Variants in TACC2 observed in about 807,000 individuals in gnomAD.
TACC2 encodes transforming acidic coiled-coil-containing protein 2.
Under a neutral mutation model 227.3 loss-of-function variants are expected in TACC2, and 137 were observed. That is an observed-to-expected ratio of 0.60 (90% CI 0.52 to 0.69). TACC2 has a LOEUF of 0.69. Among genes scored for constraint, TACC2 ranks in the 30% least tolerant of loss-of-function variants. TACC2 has a pLI of 0.00. For synonymous variants in TACC2, 1,523 were observed against 1,487.5 expected (o/e 1.02, Z -0.55); for missense variants, 3,470 against 3,694.4 (o/e 0.94, Z 1.57).
At chr10:122,212,638 T>G (rs2095319468) in intron 9 of TACC2, among the ~76,000 whole-genome samples, 1 of 152,206 alleles carries the variant, frequency 6.6e-6, no homozygotes, top group Non-Finnish European at 1.5e-5. Flanking sequence ...CCCCTCTGGG[T>G]CTGCCTGGCA....
At chr10:122,059,498 A>T (rs2076566109) in intron 3 of TACC2, among the ~76,000 whole-genome samples, 1 of 152,122 alleles carries the variant, frequency 6.6e-6, no homozygotes, top group Non-Finnish European at 1.5e-5. Context: ...AAGGATAGCT[A>T]ACTTTTGTTT....
chr10:122,099,785 G>T lies in TACC2; in HGVS notation c.5573+11194G>T, dbSNP rs370437631. On this transcript the variant is annotated intron_variant, in intron 5 of 22. Transcript: ENST00000369005. ...TTTGTGGGAGATAAAACGACTTAAT[G>T]ATCACTGCAGGGTTTAGTTTTGTTT... 2.8e-4 allele frequency among the ~76,000 whole-genome samples: 42 copies of T among 152,334 alleles called. No homozygotes were observed. In the East Asian group the frequency reaches 2.9e-3, roughly 10 times the overall value.
At chr10:122,203,349 G>A (rs1303893992) in intron 8 of TACC2, among the ~76,000 whole-genome samples, 4 of 138,642 alleles carry the variant, frequency 2.9e-5, no homozygotes, top group Admixed American at 1.4e-4. Flanking sequence ...CGGATGGGGC[G>A]GCTGGCCGGG....
rs534210716 is a variant in TACC2 at position 122,136,602 on chromosome 10, G to A, written c.5699+3868G>A. ...TAGTCTTGCTCTGTCGCCCAGGCTGGAGTGCAGTGGCACAGTCTGGGCTCA... is the reference window on the plus strand; with the variant it reads ...TAGTCTTGCTCTGTCGCCCAGGCTGAAGTGCAGTGGCACAGTCTGGGCTCA... On this transcript the variant is annotated intron_variant, in intron 6 of 22. Coordinates refer to ENST00000369005, the MANE Select transcript of TACC2 (RefSeq NM_206862.4). Among the ~76,000 whole-genome samples the A allele has an allele frequency of 5.3e-5, 8 of 150,396 alleles. No homozygotes were observed. The South Asian group carries it at 1.1e-3, about 20-fold the overall frequency.
chr10:122,229,773 T>G (rs938382511), intron 15 of TACC2, among the ~76,000 whole-genome samples: 1 of 152,242 alleles, frequency 6.6e-6, no homozygotes, highest in Admixed American at 6.5e-5. Context: ...AAGCAGTTTC[T>G]GTGATTTATT....
intron 5 of TACC2, among the ~76,000 whole-genome samples, chr10:122,119,640 A>G (rs1210868839): frequency 1.3e-5 from 2 of 152,210 alleles, no homozygotes; most frequent in Non-Finnish European, 2.9e-5. Flanking sequence ...CAGGCTGGGT[A>G]TCGTGGCTCA....
At chr10:122,182,285 T>C (rs1404950583) in intron 7 of TACC2, among the ~76,000 whole-genome samples, 1 of 152,214 alleles carries the variant, frequency 6.6e-6, no homozygotes, top group Non-Finnish European at 1.5e-5. Flanking sequence ...TGAAACCTGC[T>C]CTGGACGCAG....
chr10:122,084,312 CA>C lies in TACC2; in HGVS notation c.1814del (p.Lys605SerfsTer6). 6.2e-7 allele frequency: 1 copy of C among 1,613,942 alleles called. No individual in the cohort carries two copies. Among genetic ancestry groups the C allele is most frequent in the Non-Finnish European group, 8.5e-7 (1 of 1,180,038 alleles). On this transcript the variant is annotated frameshift_variant, in exon 4 of 23. Coordinates refer to ENST00000369005, the MANE Select transcript of TACC2 (RefSeq NM_206862.4). LOFTEE classifies it high-confidence loss of function. Reference sequence around the variant, plus strand: ...GAGAGGACTCTCAGGCTTTCAGCAGCAAGCGTGATCCAGAAGTAGGCAAAGA... The same window carrying C: ...GAGAGGACTCTCAGGCTTTCAGCAGCAGCGTGATCCAGAAGTAGGCAAAGA... The part of the protein sequence containing the change: ...QGEDSQAFSS[K>X]RDPEVGKDEL...
chr10:122,073,778 C>CT (rs573052700), intron 3 of TACC2, among the ~76,000 whole-genome samples: 1,918 of 149,290 alleles, frequency 0.013, 17 homozygotes, highest in Middle Eastern at 0.024. Flanking sequence ...AAGCTTCATT[C>CT]TTTTTTTTTT....
At chr10:122,152,988 T>TTTC (rs1266839746) in intron 7 of TACC2, among the ~76,000 whole-genome samples, 1 of 81,174 alleles carries the variant, frequency 1.2e-5, no homozygotes, top group Non-Finnish European at 3.3e-5. Flanking sequence ...TTGATATATA[T>TTTC]TTCTTTCTTT....
chr10:122,240,181 G>A (rs1053602545), intron 18 of TACC2, among the ~76,000 whole-genome samples: 3 of 152,108 alleles, frequency 2.0e-5, no homozygotes, highest in Non-Finnish European at 4.4e-5. Flanking sequence ...TCAGGTCCCC[G>A]GTCTCTCCAC....
At chr10:122,250,699 G>A (rs2141955209) in intron 22 of TACC2, among the ~76,000 whole-genome samples, 1 of 152,190 alleles carries the variant, frequency 6.6e-6, no homozygotes, top group South Asian at 2.1e-4. Flanking sequence ...TGTCCCCACT[G>A]CACCATCTGT....
At chr10:122,235,280 G>T (rs1418120442) in intron 16 of TACC2, among the ~76,000 whole-genome samples, 1 of 152,170 alleles carries the variant, frequency 6.6e-6, no homozygotes, top group African/African-American at 2.4e-5. Context: ...TAGAGACAGG[G>T]TTTTGCCATG....
chr10:122,246,573 G>C (rs2096124612), intron 19 of TACC2: 1 of 152,242 alleles, frequency 6.6e-6, no homozygotes, highest in Admixed American at 6.5e-5. Flanking sequence ...TCAGTGAACA[G>C]TGACTTAGCT....
At chr10:122,181,078 GAACA>G (rs2093957569) in intron 7 of TACC2, among the ~76,000 whole-genome samples, 1 of 149,214 alleles carries the variant, frequency 6.7e-6, no homozygotes, top group Non-Finnish European at 1.5e-5. Flanking sequence ...CTAGAGCCTA[GAACA>G]AACAATGCCA....
chr10:122,107,878 A>ATTTTTTTTTTTTT (rs1204393563), intron 5 of TACC2, among the ~76,000 whole-genome samples: 1 of 88,450 alleles, frequency 1.1e-5, no homozygotes, highest in African/African-American at 4.9e-5. Context: ...ATATATATAT[A>ATTTTTTTTTTTTT]TATTTTTTTT....
At chr10:122,234,883 G>C (rs908949033) in intron 16 of TACC2, among the ~76,000 whole-genome samples, 1 of 152,160 alleles carries the variant, frequency 6.6e-6, no homozygotes, top group South Asian at 2.1e-4. Flanking sequence ...TGCTTATTTT[G>C]ATCAGAATTG....
At chr10:122,186,126 G>A (rs932560572) in intron 7 of TACC2, among the ~76,000 whole-genome samples, 44 of 151,932 alleles carry the variant, frequency 2.9e-4, no homozygotes, top group African/African-American at 8.9e-4. Context: ...ACAGGGTTTT[G>A]TCATGTTGGC....
At chr10:122,013,625 C>T (rs1956207510) in intron 1 of TACC2, among the ~76,000 whole-genome samples, 1 of 152,172 alleles carries the variant, frequency 6.6e-6, no homozygotes, top group Non-Finnish European at 1.5e-5. Context: ...CTGAGCTCCC[C>T]CTCGATGAGC....
Sources: allele counts gnomAD v4.1 joint callset (sites outside exome capture counted in the v4.1 genomes callset), GRCh38; gene constraint gnomAD v4.1.1; transcripts MANE v1.5; gene names NCBI Gene and HGNC (gene_info 2026-07-23, HGNC 2026-07-21).